Variants in PLXNA2 observed in about 807,000 individuals in gnomAD.
PLXNA2 encodes plexin A2.
Under a neutral mutation model 193.5 loss-of-function variants are expected in PLXNA2, and 91 were observed. The ratio of observed to expected loss-of-function variants is 0.47; its 90% CI spans 0.40 to 0.56. The LOEUF is 0.56. Among genes scored for constraint, PLXNA2 ranks in the 20% least tolerant of loss-of-function variants. PLXNA2 has a pLI of 0.00. For synonymous variants in PLXNA2, 997 were observed against 1,027.3 expected, an observed-to-expected ratio of 0.97 and a Z score of 0.56; for missense variants, 1,995 against 2,503.2, an observed-to-expected ratio of 0.80 and a Z score of 4.33.
At chr1:208,031,844 C>A in intron 28 of PLXNA2, 85 bp from the exon 29 acceptor site, 1 of 1,331,404 alleles carries the variant, frequency 7.5e-7, no homozygotes, top group South Asian at 1.4e-5. Context: ...TTGGACCCAT[C>A]CTGCCTTGGA....
intron 3 of PLXNA2, among the ~76,000 whole-genome samples, chr1:208,193,245 T>C (rs991578927): frequency 3.3e-5 from 5 of 152,360 alleles, no homozygotes; most frequent in Admixed American, 2.6e-4. Flanking sequence ...ACAACCCTTT[T>C]TGGGCTCACA....
intron 29 of PLXNA2, chr1:208,031,338 C>A: frequency 7.5e-6 from 10 of 1,340,242 alleles, no homozygotes; most frequent in Non-Finnish European, 9.6e-6. Context: ...CTGGTCACAA[C>A]CTGGAGGGGC....
chr1:208,099,061 CT>C, intron 5 of PLXNA2, 92 bp from the exon 6 acceptor site: 1 of 1,491,570 alleles, frequency 6.7e-7, no homozygotes, highest in African/African-American at 1.4e-5. Flanking sequence ...GTTTGCTGCC[CT>C]GAGGCCTGTG....
intron 23 of PLXNA2, 45 bp downstream of exon 23, chr1:208,039,947 C>A (rs770322023): frequency 6.3e-7 from 1 of 1,594,684 alleles, no homozygotes; most frequent in African/African-American, 1.3e-5. Flanking sequence ...AGCAGCAGTG[C>A]CATCCTGCCC....
intron 3 of PLXNA2, among the ~76,000 whole-genome samples, chr1:208,181,208 C>T (rs1001576982): frequency 1.3e-5 from 2 of 152,200 alleles, no homozygotes; most frequent in South Asian, 4.1e-4. Context: ...TACCACTTCC[C>T]GACCCAGGTA....
At chr1:208,121,171 C>T (rs184793836) in intron 4 of PLXNA2, among the ~76,000 whole-genome samples, 219 of 152,248 alleles carry the variant, frequency 1.4e-3, no homozygotes, top group Middle Eastern at 3.4e-3. Flanking sequence ...CCCGGGGAAA[C>T]CTAAGTAAGG....
intron 3 of PLXNA2, among the ~76,000 whole-genome samples, chr1:208,174,653 C>T (rs1312349412): frequency 6.6e-6 from 1 of 152,120 alleles, no homozygotes; most frequent in African/African-American, 2.4e-5. Context: ...TAGGCTGGTC[C>T]ATGCACCAGG....
intron 12 of PLXNA2, 33 bp downstream of exon 12, chr1:208,079,227 C>T (rs1428007269): frequency 1.9e-6 from 3 of 1,572,474 alleles, no homozygotes; most frequent in Non-Finnish European, 2.6e-6. Flanking sequence ...CTCTTGGCCA[C>T]CCCTTCCTGC....
intron 3 of PLXNA2, among the ~76,000 whole-genome samples, chr1:208,171,978 A>C (rs1669508127): frequency 6.6e-6 from 1 of 150,406 alleles, no homozygotes; most frequent in African/African-American, 2.4e-5. Flanking sequence ...TGCTCAGTAC[A>C]TCTTAGCAGT....
chr1:208,040,221 C>T, intron 22 of PLXNA2, 163 bp from the exon 23 acceptor site: 2 of 620,528 alleles, frequency 3.2e-6, no homozygotes, highest in South Asian at 3.9e-5. Flanking sequence ...AGTAACTAGA[C>T]TGTGACCTGG....
At chr1:208,106,809 TTCTA>T (rs1667284164) in intron 4 of PLXNA2, among the ~76,000 whole-genome samples, 2 of 152,248 alleles carry the variant, frequency 1.3e-5, no homozygotes. Flanking sequence ...CATATTTTAT[TTCTA>T]TCTGACAGTG....
chr1:208,231,566 C>G (rs751881111), intron 1 of PLXNA2, among the ~76,000 whole-genome samples: 2 of 152,182 alleles, frequency 1.3e-5, no homozygotes, highest in Admixed American at 1.3e-4. Context: ...TTCGGAAAAA[C>G]CTTTCTTCTG....
Position 208,026,004 on chromosome 1 carries a change from T to TGAAA in PLXNA2, c.*1235_*1238dup, listed in dbSNP as rs1271644445. The TGAAA allele has an allele frequency of 6.6e-6, 1 of 152,648 alleles. No individual in the cohort carries two copies. The allele number at this position is 152,648 out of a possible 1,614,324, so 9.5% of individuals were successfully genotyped here. ...TCTCCCCTCTCCAGGCACGAGAGAA[T>TGAAA]GAAAGAAAGAAAGCATAATAATAAA... On this transcript the variant is annotated 3_prime_UTR_variant, in exon 32 of 32. Coordinates refer to ENST00000367033, the MANE Select transcript of PLXNA2 (RefSeq NM_025179.4).
intron 11 of PLXNA2, among the ~76,000 whole-genome samples, chr1:208,081,979 T>C (rs1473347503): frequency 1.3e-5 from 2 of 152,034 alleles, no homozygotes; most frequent in African/African-American, 4.8e-5. Flanking sequence ...TGCTGCTCTC[T>C]CCCGCCCACC....
intron 6 of PLXNA2, 84 bp from the exon 7 acceptor site, chr1:208,096,967 G>T (rs1571911496): frequency 7.6e-7 from 1 of 1,315,426 alleles, no homozygotes; most frequent in Non-Finnish European, 1.0e-6. Flanking sequence ...GACCCACTTT[G>T]CTCACTGATC....
At position 208,113,546 on chromosome 1, in the gene PLXNA2, C is replaced by CTTTTTT. The variant is rs397695261; in HGVS notation, c.1507-10305_1507-10300dup. Among the ~76,000 whole-genome samples, 13 of 105,690 alleles carry CTTTTTT rather than the reference C, an allele frequency of 1.2e-4. 1 individual carries two copies. The highest frequency in any genetic ancestry group is 5.6e-4 in the East Asian group (2 of 3,574). 69.3% of individuals were successfully genotyped at this position (105,690 alleles called of 152,430 possible). On this transcript the variant is annotated intron_variant, in intron 4 of 31. Coordinates refer to ENST00000367033, the MANE Select transcript of PLXNA2 (RefSeq NM_025179.4). ...AGTTAATCCCAAATGCTCTCTCTCT[C>CTTTTTT]TTTTTTTTTTTTTTTTTTTTTGAGA...
rs780654392 is a variant in PLXNA2 at position 208,217,517 on chromosome 1, C to A, written c.406G>T (p.Val136Phe). ...TCATCCAGCCGCAGCAGCTTGCAGA[C>A]CCCCTGGTAGAGGCTCCCACAGGCC... ...LLACGSLYQG[V>F]CKLLRLDDLF... Residue 136 changes from valine (V) to phenylalanine (F), a missense_variant, in exon 2 of 32, where the codon GTC (valine) becomes TTC (phenylalanine). Val to Phe is a conservative substitution (Grantham distance 50, BLOSUM62 -1). This residue lies in a region of PLXNA2 where 702 missense variants were observed against 812.9 expected (regional missense o/e 0.86). Coordinates refer to ENST00000367033, the MANE Select transcript of PLXNA2 (RefSeq NM_025179.4). This position sits in a 1 kb window ranked among gnomAD's most constrained non-coding sequence, Gnocchi z 4.7. 1.2e-6 allele frequency: 2 copies of A among 1,614,196 alleles called. No homozygotes were observed. Among genetic ancestry groups the A allele is most frequent in the East Asian group, 2.2e-5 (1 of 44,874 alleles).
At chr1:208,140,403 G>A (rs1001905117) in intron 4 of PLXNA2, among the ~76,000 whole-genome samples, 1 of 152,148 alleles carries the variant, frequency 6.6e-6, no homozygotes, top group Admixed American at 6.5e-5. Context: ...GGTCTCATTG[G>A]TCACTTCTTC....
At chr1:208,226,987 A>T (rs1003910899) in intron 1 of PLXNA2, among the ~76,000 whole-genome samples, 6 of 152,238 alleles carry the variant, frequency 3.9e-5, no homozygotes, top group Admixed American at 2.0e-4. Flanking sequence ...GAGAAAGGTC[A>T]TCCCACCTCT....
Sources: gnomAD v4.1 joint callset for allele counts (sites outside exome capture counted in the v4.1 genomes callset) on GRCh38, gnomAD v4.1.1 for gene constraint, gnomAD v4.1.1 regional missense constraint, Gnocchi (gnomAD v3.1) non-coding constraint, MANE v1.5 for transcripts, NCBI Gene and HGNC (gene_info 2026-07-23, HGNC 2026-07-21) for gene names.